The following ZFHX3 variants were observed in gnomAD, a reference collection of about 807,000 sequenced individuals.
ZFHX3 encodes the protein zinc finger homeobox protein 3.
In ZFHX3, 42 loss-of-function variants were observed where a neutral mutation model predicts 279.1. The observed-to-expected ratio is 0.15, with a 90% CI of 0.12 to 0.19. ZFHX3 has a LOEUF of 0.19. ZFHX3 is among the 10% of genes least tolerant of loss of function. The probability of loss-of-function intolerance (pLI) is 1.00; values close to 1 mark genes in which losing one functional copy is unlikely to be tolerated. For synonymous variants in ZFHX3, 2,293 were observed against 1,957.8 expected (o/e 1.17, Z -4.52); for missense variants, 4,981 against 4,754.0 (o/e 1.05, Z -1.40).
At chr16:73,760,428 AATCATTTTATGAGGCCAGC>A (rs1178021616) in intron 1 of ZFHX3, among the ~76,000 whole-genome samples, 2 of 152,276 alleles carry the variant, frequency 1.3e-5, no homozygotes, top group East Asian at 3.9e-4. Flanking sequence ...ATCCTCCCTA[AATCATTTTATGAGGCCAGC>A]ATCATCCTGA....
chr16:72,919,554 ATC>A (rs1486847471), intron 3 of ZFHX3, among the ~76,000 whole-genome samples: 1 of 148,244 alleles, frequency 6.7e-6, no homozygotes, highest in Non-Finnish European at 1.5e-5. Flanking sequence ...TTTAAGAAAG[ATC>A]TGTTTTGTTT....
intron 2 of ZFHX3, among the ~76,000 whole-genome samples, chr16:73,519,716 C>G (rs2019580165): frequency 1.3e-5 from 2 of 152,158 alleles, no homozygotes; most frequent in African/African-American, 4.8e-5. Context: ...CTCAATACTC[C>G]TGTTAGGAGT....
At chr16:73,634,127 T>C (rs2052505032) in intron 2 of ZFHX3, among the ~76,000 whole-genome samples, 1 of 152,070 alleles carries the variant, frequency 6.6e-6, no homozygotes, top group Non-Finnish European at 1.5e-5. Flanking sequence ...TATGTGTACA[T>C]ACATATACAT....
At chr16:73,723,074 T>C (rs1263701032) in intron 1 of ZFHX3, among the ~76,000 whole-genome samples, 1 of 152,182 alleles carries the variant, frequency 6.6e-6, no homozygotes, top group Non-Finnish European at 1.5e-5. Context: ...ATACTCGCCA[T>C]CCATTTTACC....
chr16:73,599,732 T>A (rs370953239), intron 2 of ZFHX3, among the ~76,000 whole-genome samples: 7 of 144,238 alleles, frequency 4.9e-5, no homozygotes, highest in African/African-American at 1.3e-4. Context: ...AAAATGTCAT[T>A]AAAAAAAAAA....
chr16:73,135,206 C>T (rs1966767168), intron 6 of ZFHX3, among the ~76,000 whole-genome samples: 1 of 152,158 alleles, frequency 6.6e-6, no homozygotes, highest in Non-Finnish European at 1.5e-5. Context: ...GAGCTTTCTG[C>T]CCTCTGTGAA....
chr16:73,885,802 T>C (rs930935172), intron 1 of ZFHX3, among the ~76,000 whole-genome samples: 1 of 152,158 alleles, frequency 6.6e-6, no homozygotes, highest in African/African-American at 2.4e-5. Context: ...CCATCTGTAA[T>C]TTCCCCTTCA....
chr16:73,026,115 G>A (rs1221481385), intron 1 of ZFHX3, among the ~76,000 whole-genome samples: 1 of 146,948 alleles, frequency 6.8e-6, no homozygotes, highest in Non-Finnish European at 1.5e-5. Context: ...GGGAAGCAGA[G>A]GTGGGTGGAT....
At chr16:73,312,562 C>T (rs1464799625) in intron 4 of ZFHX3, among the ~76,000 whole-genome samples, 1 of 152,142 alleles carries the variant, frequency 6.6e-6, no homozygotes, top group Non-Finnish European at 1.5e-5. Context: ...ATTCCTGGTG[C>T]CTATTGCTCA....
intron 3 of ZFHX3, among the ~76,000 whole-genome samples, chr16:73,404,298 T>C (rs1419276297): frequency 6.6e-6 from 1 of 152,150 alleles, no homozygotes; most frequent in Non-Finnish European, 1.5e-5. Flanking sequence ...ACCTCTATTC[T>C]GTGGTTTGTA....
intron 5 of ZFHX3, among the ~76,000 whole-genome samples, chr16:73,155,186 A>C (rs976629445): frequency 5.9e-5 from 9 of 151,504 alleles, no homozygotes; most frequent in Non-Finnish European, 1.2e-4. Flanking sequence ...AAAACAAAAA[A>C]AAAAAAAACA....
At chr16:73,858,233 A>C (rs1341260462) in intron 1 of ZFHX3, among the ~76,000 whole-genome samples, 2 of 152,234 alleles carry the variant, frequency 1.3e-5, no homozygotes, top group African/African-American at 4.8e-5. Context: ...CAGTAGGTAC[A>C]AATCTAGTAA....
intron 1 of ZFHX3, among the ~76,000 whole-genome samples, chr16:73,747,797 C>T (rs1004922944): frequency 2.0e-5 from 3 of 152,156 alleles, no homozygotes; most frequent in African/African-American, 7.2e-5. Context: ...CAACCAAACA[C>T]GCACACACAC....
chr16:72,874,677 TG>T (rs1219291691), intron 4 of ZFHX3, among the ~76,000 whole-genome samples: 2 of 151,876 alleles, frequency 1.3e-5, no homozygotes, highest in East Asian at 3.9e-4. Context: ...TTTTTTTTTT[TG>T]AGACAGGGTC....
intron 1 of ZFHX3, among the ~76,000 whole-genome samples, chr16:73,013,361 C>A (rs189720821): frequency 2.2e-4 from 33 of 152,286 alleles, no homozygotes; most frequent in Non-Finnish European, 3.8e-4. Context: ...GATGTTGGCT[C>A]ACTGCAACCT....
chr16:73,282,246 C>G (rs2014476864), intron 4 of ZFHX3, among the ~76,000 whole-genome samples: 1 of 152,210 alleles, frequency 6.6e-6, no homozygotes, highest in African/African-American at 2.4e-5. Context: ...AAGAGGTTAT[C>G]TGATCTTCAT....
intron 2 of ZFHX3, among the ~76,000 whole-genome samples, chr16:73,585,551 G>C (rs1200979354): frequency 1.3e-5 from 2 of 152,126 alleles, no homozygotes; most frequent in Non-Finnish European, 2.9e-5. Flanking sequence ...CATGACACAT[G>C]TTTACCTATG....
At chr16:73,260,684 T>TC (rs1489405717) in intron 4 of ZFHX3, among the ~76,000 whole-genome samples, 1 of 45,000 alleles carries the variant, frequency 2.2e-5, no homozygotes, top group African/African-American at 5.9e-5. Context: ...TATCTGGTTT[T>TC]TTTTTTTTTT....
intron 5 of ZFHX3, among the ~76,000 whole-genome samples, chr16:73,230,587 C>A (rs939126972): frequency 6.6e-6 from 1 of 152,156 alleles, no homozygotes; most frequent in African/African-American, 2.4e-5. Flanking sequence ...TGGTGATACA[C>A]AAAAGTCATC....
Sources: gnomAD v4.1 joint callset for allele counts (sites outside exome capture counted in the v4.1 genomes callset) on GRCh38, gnomAD v4.1.1 for gene constraint, MANE v1.5 for transcripts, NCBI Gene and HGNC (gene_info 2026-07-23, HGNC 2026-07-21) for gene names.